The following AGO3 variants were observed in gnomAD, a reference collection of about 807,000 sequenced individuals.
AGO3 encodes protein argonaute-3.
AGO3 carries 16 observed loss-of-function variants against 105.5 expected under a neutral mutation model. That is an observed-to-expected ratio of 0.15 (90% CI 0.10 to 0.23). The LOEUF is 0.23. Among genes scored for constraint, AGO3 ranks in the 10% least tolerant of loss-of-function variants. The pLI, the probability that AGO3 is intolerant of heterozygous loss-of-function variation, is 1.00. For missense variants in AGO3, 534 were observed against 1,088.0 expected (o/e 0.49, Z 7.16); for synonymous variants, 340 against 367.3 (o/e 0.93, Z 0.85).
chr1:36,023,486 C>T (rs546240509), intron 11 of AGO3, among the ~76,000 whole-genome samples: 22 of 152,326 alleles, frequency 1.4e-4, no homozygotes, highest in Middle Eastern at 3.4e-3. Context: ...GGCACTACCA[C>T]ATGGTTGAAG....
chr1:36,026,449 C>T (rs945388102), intron 11 of AGO3, among the ~76,000 whole-genome samples: 1 of 152,094 alleles, frequency 6.6e-6, no homozygotes, highest in African/African-American at 2.4e-5. Flanking sequence ...TAAAAAAATC[C>T]TCTGAGGGCA....
Position 36,070,079 on chromosome 1 carries a change from A to G in AGO3, c.*14334A>G, listed in dbSNP as rs2148876430. The G allele has an allele frequency of 6.6e-6, 1 of 152,230 alleles. No homozygotes were observed. The allele number at this position is 152,230 out of a possible 1,614,324, so 9.4% of individuals were successfully genotyped here. On this transcript the variant is annotated 3_prime_UTR_variant, in exon 19 of 19. Coordinates refer to ENST00000373191, the MANE Select transcript of AGO3 (RefSeq NM_024852.4). ...CTCAATAAAAAAAAAAATAATAATAATAAAATACAAATACTTAGAAATTAA... is the reference window on the plus strand; with the variant it reads ...CTCAATAAAAAAAAAAATAATAATAGTAAAATACAAATACTTAGAAATTAA...
In AGO3 at chr1:36,008,990, C is replaced by G; in HGVS notation, c.975C>G (p.His325Gln). 6.2e-7 allele frequency: 1 copy of G among 1,607,430 alleles called. No homozygotes were observed. Among genetic ancestry groups the G allele is most frequent in the Non-Finnish European group, 8.5e-7 (1 of 1,177,022 alleles). ...EKYTLQLKYP[H>Q]LPCLQVGQEQ... ...ATACTCTTCAGCTGAAGTACCCGCA[C>G]CTTCCCTGTCTGCAAGTCGGGCAGG... Residue 325 changes from histidine (H) to glutamine (Q), a missense_variant, in exon 8 of 19, where the codon CAC becomes CAG. Transcript: ENST00000373191. This position sits in a 1 kb window ranked among gnomAD's most constrained non-coding sequence, Gnocchi z 5.1.
intron 15 of AGO3, 91 bp downstream of exon 15, chr1:36,040,075 G>A: frequency 7.3e-7 from 1 of 1,375,692 alleles, no homozygotes; most frequent in Non-Finnish European, 9.8e-7. Flanking sequence ...AACCTTGTTA[G>A]AGTTCCCCAA....
At chr1:36,005,666 T>TA (rs1182836124) in intron 6 of AGO3, 2 of 956,700 alleles carry the variant, frequency 2.1e-6, no homozygotes, top group Non-Finnish European at 2.5e-6. Context: ...TGAAGTCACT[T>TA]ACATTATTTT....
chr1:36,009,681 CTTATGACCAT>C, intron 9 of AGO3, 87 bp downstream of exon 9: 1 of 1,307,852 alleles, frequency 7.6e-7, no homozygotes, highest in Middle Eastern at 2.6e-4. Flanking sequence ...CAACCCATAC[CTTATGACCAT>C]TTCATGGACT....
At chr1:35,937,962 C>G (rs1646181493) in intron 1 of AGO3, among the ~76,000 whole-genome samples, 1 of 151,514 alleles carries the variant, frequency 6.6e-6, no homozygotes, top group Non-Finnish European at 1.5e-5. Flanking sequence ...ATTTCTTTTT[C>G]CAAAACAAAA....
At chr1:36,022,115 G>C (rs1641262798) in intron 11 of AGO3, among the ~76,000 whole-genome samples, 1 of 147,054 alleles carries the variant, frequency 6.8e-6, no homozygotes, top group East Asian at 2.0e-4. Context: ...GCCCAGGCTG[G>C]AGTGCAGTGG....
chr1:35,961,178 C>T (rs1419035632), intron 2 of AGO3, among the ~76,000 whole-genome samples: 1 of 151,740 alleles, frequency 6.6e-6, no homozygotes, highest in Admixed American at 6.6e-5. Context: ...GTCTCAATCT[C>T]CTGACCTCTT....
At chr1:35,958,828 T>C (rs1646623735) in intron 2 of AGO3, among the ~76,000 whole-genome samples, 1 of 152,248 alleles carries the variant, frequency 6.6e-6, no homozygotes, top group Non-Finnish European at 1.5e-5. Flanking sequence ...CCAGCTGTTT[T>C]AGTTGTGTTT....
chr1:35,988,126 A>T (rs1469514175), intron 5 of AGO3, among the ~76,000 whole-genome samples: 1 of 152,140 alleles, frequency 6.6e-6, no homozygotes, highest in Non-Finnish European at 1.5e-5. Context: ...ATAAAGCCTA[A>T]CATTTGAAGT....
chr1:35,958,923 G>C (rs545477219), intron 2 of AGO3, among the ~76,000 whole-genome samples: 2 of 152,130 alleles, frequency 1.3e-5, no homozygotes, highest in Non-Finnish European at 2.9e-5. Flanking sequence ...TTCATTTATT[G>C]TAGCCATGGA....
At position 36,057,354 on chromosome 1, in the gene AGO3, A is replaced by G. The variant is rs1384960364; in HGVS notation, c.*1609A>G. 6.6e-6 allele frequency: 1 copy of G among 151,682 alleles called. No individual in the cohort carries two copies. The highest frequency in any genetic ancestry group is 2.4e-5 in the African/African-American group (1 of 41,318). The allele number at this position is 151,682 out of a possible 1,614,324, so 9.4% of individuals were successfully genotyped here. ...ATATATTTTTTATATATATATATGT[A>G]TGTGTGTGTATATAAACACATATGT... is the stretch of plus-strand genomic sequence containing the variant. On this transcript the variant is annotated 3_prime_UTR_variant, in exon 19 of 19. Transcript: ENST00000373191.
intron 12 of AGO3, among the ~76,000 whole-genome samples, chr1:36,031,681 C>T (rs1008319933): frequency 5.9e-5 from 9 of 151,910 alleles, no homozygotes; most frequent in African/African-American, 1.9e-4. Flanking sequence ...TAACCAATAA[C>T]TTTAATATCC....
At chr1:36,015,159 C>T (rs989087388) in intron 11 of AGO3, among the ~76,000 whole-genome samples, 2 of 152,102 alleles carry the variant, frequency 1.3e-5, no homozygotes, top group East Asian at 1.9e-4. Flanking sequence ...TTCCCATGAC[C>T]CCCTCTTCAA....
intron 1 of AGO3, among the ~76,000 whole-genome samples, chr1:35,937,980 CTTTT>C (rs1252491042): frequency 7.5e-6 from 1 of 133,186 alleles, no homozygotes. Flanking sequence ...AAAATGTATT[CTTTT>C]TTTTTTTTTT....
intron 5 of AGO3, among the ~76,000 whole-genome samples, chr1:35,981,436 C>T (rs942093140): frequency 6.6e-6 from 1 of 152,128 alleles, no homozygotes; most frequent in African/African-American, 2.4e-5. Context: ...AGCCACATCT[C>T]CTATGCCTCT....
chr1:36,042,256 T>C (rs1642280178), intron 16 of AGO3, among the ~76,000 whole-genome samples: 1 of 152,100 alleles, frequency 6.6e-6, no homozygotes, highest in African/African-American at 2.4e-5. Flanking sequence ...GGCTAATTTT[T>C]GTAGTCTTAT....
intron 12 of AGO3, among the ~76,000 whole-genome samples, chr1:36,028,401 C>T (rs1024446777): frequency 8.8e-6 from 1 of 113,066 alleles, no homozygotes; most frequent in Non-Finnish European, 1.8e-5. Context: ...TCCCCCCCCC[C>T]CACCCCACAA....
Sources: allele counts gnomAD v4.1 joint callset (sites outside exome capture counted in the v4.1 genomes callset), GRCh38; gene constraint gnomAD v4.1.1; non-coding constraint Gnocchi (gnomAD v3.1); transcripts MANE v1.5; gene names NCBI Gene and HGNC (gene_info 2026-07-23, HGNC 2026-07-21).